RPGRIP1: variants seen among roughly 807,000 people sequenced by gnomAD.
RPGRIP1 encodes the protein X-linked retinitis pigmentosa GTPase regulator-interacting protein 1.
In RPGRIP1, 128 loss-of-function variants were observed where a neutral mutation model predicts 157.9. That is an observed-to-expected ratio of 0.81 (90% confidence interval 0.70 to 0.94). The LOEUF (loss-of-function observed/expected upper bound fraction) is 0.94, where lower values mean the gene tolerates loss of function less well. Ranked by LOEUF, RPGRIP1 falls within the 40% of genes least tolerant of loss-of-function variation. The pLI, the probability that RPGRIP1 is intolerant of heterozygous loss-of-function variation, is 0.00. For missense variants in RPGRIP1, 1,486 were observed against 1,545.8 expected (o/e 0.96, Z 0.65); for synonymous variants, 554 against 571.6 (o/e 0.97, Z 0.44).
At position 21,325,896 on chromosome 14, in the gene RPGRIP1, C is replaced by G. The variant is rs761835823; in HGVS notation, c.2433C>G (p.Leu811=). The G allele has an allele frequency of 1.1e-5, 17 of 1,613,962 alleles. No homozygotes were observed. Among genetic ancestry groups the G allele is most frequent in the Non-Finnish European group, 1.4e-5 (17 of 1,179,888 alleles). Residue 811 remains leucine, a synonymous_variant, in exon 17 of 25, where the codon CTC becomes CTG. Coordinates refer to ENST00000400017, the MANE Select transcript of RPGRIP1 (RefSeq NM_020366.4). ...LWIEITKCCG[L]RSRWLGTQPS... The stretch of plus-strand genomic sequence containing the variant: ...TTGAAATCACCAAGTGCTGTGGCCT[C>G]CGGAGTCGATGGCTGGGAACTCAAC...
rs1882531365 is a variant in RPGRIP1 at position 21,321,957 on chromosome 14, T to C, written c.1715T>C (p.Ile572Thr). The change falls in exon 14 of 25, where the codon ATC (isoleucine) becomes ACC (threonine). Residue 572 changes from isoleucine to threonine, a missense_variant. Ile to Thr is a moderately conservative substitution (Grantham distance 89). Transcript: ENST00000400017. ...CTACTAGACCTCAAGAATAACCGTA[T>C]CAAGCAGCTGGAAGGTATTTTAAGA... ...TRLLDLKNNR[I>T]KQLEGILRSH... 6.2e-7 allele frequency: 1 copy of C among 1,613,820 alleles called. No homozygotes were observed. Among genetic ancestry groups the C allele is most frequent in the Non-Finnish European group, 8.5e-7 (1 of 1,179,834 alleles).
At chr14:21,335,704 A>G (rs147962915) in intron 21 of RPGRIP1, among the ~76,000 whole-genome samples, 6,452 of 151,770 alleles carry the variant, frequency 0.043, 452 homozygotes, top group African/African-American at 0.15. Context: ...GGTGGCTGGC[A>G]CCTGTAGTCC....
chr14:21,312,463 G>C lies in RPGRIP1; in HGVS notation c.1108G>C (p.Glu370Gln), dbSNP rs768072609. 5 of 1,611,578 alleles carry C rather than the reference G, an allele frequency of 3.1e-6. No individual in the cohort carries two copies. The highest frequency in any genetic ancestry group is 4.2e-6 in the Non-Finnish European group (5 of 1,178,708). ...FQERVEDLEK[E>Q]RKLLNDNYDK... is the part of the protein sequence containing the mutation. ...GGAGAGAGTTGAAGATTTGGAAAAA[G>C]AACGAAAATTGCTGAATGACAATTA... The change falls in exon 10 of 25, where the codon GAA (glutamate) becomes CAA (glutamine). Residue 370 changes from glutamate to glutamine, a missense_variant. Glu to Gln is a conservative substitution (Grantham distance 29). Coordinates refer to ENST00000400017, the MANE Select transcript of RPGRIP1 (RefSeq NM_020366.4).
At chr14:21,288,592 G>T (rs568556777) in intron 2 of RPGRIP1, among the ~76,000 whole-genome samples, 1 of 151,050 alleles carries the variant, frequency 6.6e-6, no homozygotes, top group East Asian at 2.0e-4. Flanking sequence ...TTGGCTCACT[G>T]CAACCTATGC....
rs774530575 is a variant in RPGRIP1 at position 21,288,058 on chromosome 14, A to G, written c.82A>G (p.Lys28Glu). ...TATACCTCTGGTGCTACCAGCCTCA[A>G]AAGGTAACTTCTACGCCTGAGGATG... ...DAIPLVLPAS[K>E]GKNMKTQPPL... Residue 28 changes from lysine (K) to glutamate (E), a missense_variant, in exon 2 of 25, where the codon AAA becomes GAA. Transcript: ENST00000400017. 5 of 1,607,616 alleles carry G rather than the reference A, an allele frequency of 3.1e-6. No homozygotes were observed. The highest frequency in any genetic ancestry group is 2.7e-5 in the African/African-American group (2 of 74,786).
intron 6 of RPGRIP1, among the ~76,000 whole-genome samples, chr14:21,304,555 G>T (rs1881214939): frequency 6.6e-6 from 1 of 152,108 alleles, no homozygotes; most frequent in African/African-American, 2.4e-5. Flanking sequence ...AGCCCTCTCT[G>T]TGCATAAATT....
chr14:21,315,974 GTTTTTTTT>G (rs35698876), intron 10 of RPGRIP1, among the ~76,000 whole-genome samples: 1 of 107,394 alleles, frequency 9.3e-6, no homozygotes, highest in African/African-American at 3.6e-5. Context: ...AATTTTTGTG[GTTTTTTTT>G]TTTTTTTTTT....
chr14:21,324,968 C>T lies in RPGRIP1; in HGVS notation c.2113C>T (p.Gln705Ter). 6.2e-7 allele frequency: 1 copy of T among 1,614,016 alleles called. No individual in the cohort carries two copies. The highest frequency in any genetic ancestry group is 8.5e-7 in the Non-Finnish European group (1 of 1,179,886). ...GGCTTCAGCCCGGCTTGACATACAC[C>T]AGGCCATGGCCAGTGAACACAGCAC... ...QEASARLDIHQAMASEHSTLA... is the reference protein window; with the variant it reads ...QEASARLDIH The change falls in exon 15 of 25, where the codon CAG becomes TAG. Residue 705 changes from glutamine to a stop codon, truncating the protein, a stop_gained. Coordinates refer to ENST00000400017, the MANE Select transcript of RPGRIP1 (RefSeq NM_020366.4). LOFTEE classifies it high-confidence loss of function.
chr14:21,282,757 G>C (rs918491676), intron 1 of RPGRIP1, among the ~76,000 whole-genome samples: 14 of 151,810 alleles, frequency 9.2e-5, no homozygotes, highest in African/African-American at 2.9e-4. Context: ...CTACAGGCGC[G>C]TGCCACCACA....
intron 2 of RPGRIP1, among the ~76,000 whole-genome samples, chr14:21,291,343 A>T (rs1216172217): frequency 6.6e-6 from 1 of 152,208 alleles, no homozygotes; most frequent in African/African-American, 2.4e-5. Flanking sequence ...TCATAGTGAT[A>T]GGAAACCGTT....
chr14:21,301,724 A>ATAAT (rs57151096), intron 4 of RPGRIP1, among the ~76,000 whole-genome samples: 3 of 55,028 alleles, frequency 5.5e-5, no homozygotes, highest in Admixed American at 1.9e-4. Flanking sequence ...AATAATAATA[A>ATAAT]AAAATTAGCC....
At chr14:21,339,885 G>C (rs1884810296) in intron 21 of RPGRIP1, among the ~76,000 whole-genome samples, 1 of 152,160 alleles carries the variant, frequency 6.6e-6, no homozygotes, top group African/African-American at 2.4e-5. Flanking sequence ...ATACTACTGA[G>C]GGAAAATATG....
At chr14:21,304,389 GAGAAAGAAAGAAAGAAAGAA>G (rs4058350) in intron 6 of RPGRIP1, among the ~76,000 whole-genome samples, 103 of 121,030 alleles carry the variant, frequency 8.5e-4, no homozygotes, top group East Asian at 2.1e-3. Flanking sequence ...GAAGGAGAGA[GAGAAAGAAAGAAAGAAAGAA>G]AGAAAGAAAG....
At chr14:21,330,476 G>T (rs905508653) in intron 20 of RPGRIP1, 89 bp downstream of exon 20, 2 of 942,894 alleles carry the variant, frequency 2.1e-6, no homozygotes, top group Non-Finnish European at 2.8e-6. Flanking sequence ...AGAGCAGCCT[G>T]GCCAACATGA....
Position 21,326,046 on chromosome 14 carries a change from G to A in RPGRIP1, c.2583G>A (p.Leu861=), listed in dbSNP as rs1055197257. Residue 861 remains leucine (L), a synonymous_variant, in exon 17 of 25, where the codon CTG becomes CTA. Coordinates refer to ENST00000400017, the MANE Select transcript of RPGRIP1 (RefSeq NM_020366.4). ...ARFPVLVTSD[L]DHYLRREALS... The stretch of plus-strand genomic sequence containing the variant: ...TCCCAGTGCTTGTGACCTCTGACCT[G>A]GACCATTATCTGAGACGGGAGGCCT... 1.9e-6 allele frequency: 3 copies of A among 1,613,766 alleles called. No individual in the cohort carries two copies. The African/African-American group carries it at 4.0e-5, about 22-fold the overall frequency.
At position 21,334,612 on chromosome 14, in the gene RPGRIP1, A is replaced by G. The variant is rs2139288085; in HGVS notation, c.3246A>G (p.Glu1082=). The G allele has an allele frequency of 6.2e-7, 1 of 1,604,700 alleles. No homozygotes were observed. Among genetic ancestry groups the G allele is most frequent in the Non-Finnish European group, 8.5e-7 (1 of 1,175,578 alleles). ...KEPLHPVNDK[E]SSEQGSEVSE... ...CAACCTCTTCTCTAGCAGACAAAGA[A>G]TCCTCTGAACAAGGTTCTGAAGTCA... Residue 1082 remains glutamate, a synonymous_variant, in exon 21 of 25, where the codon GAA becomes GAG. Coordinates refer to ENST00000400017, the MANE Select transcript of RPGRIP1 (RefSeq NM_020366.4).
chr14:21,286,537 G>A (rs1880307103), intron 1 of RPGRIP1, among the ~76,000 whole-genome samples: 1 of 151,982 alleles, frequency 6.6e-6, no homozygotes, highest in African/African-American at 2.4e-5. Flanking sequence ...TCTGATGCCT[G>A]TAATCCCAGC....
At chr14:21,321,497 C>T in intron 13 of RPGRIP1, 95 bp downstream of exon 13, 1 of 1,518,216 alleles carries the variant, frequency 6.6e-7, no homozygotes, top group Non-Finnish European at 8.8e-7. Context: ...GTTTCCAGGG[C>T]TGATACCAGG....
chr14:21,298,941 T>TA (rs10555165), intron 3 of RPGRIP1, among the ~76,000 whole-genome samples: 3,527 of 82,428 alleles, frequency 0.043, 89 homozygotes, highest in African/African-American at 0.055. Context: ...CTCTGTCTCA[T>TA]AAAAAAAAAA....
Sources: allele counts gnomAD v4.1 joint callset (sites outside exome capture counted in the v4.1 genomes callset), GRCh38; gene constraint gnomAD v4.1.1; transcripts MANE v1.5; gene names NCBI Gene and HGNC (gene_info 2026-07-23, HGNC 2026-07-21).